PRKG1: variants seen among roughly 807,000 people sequenced by gnomAD.
PRKG1 encodes the protein cGMP-dependent protein kinase 1.
A neutral mutation model predicts 88.1 loss-of-function variants in PRKG1; 35 were observed. The observed-to-expected ratio is 0.40, with a 90% CI of 0.30 to 0.53. The LOEUF (loss-of-function observed/expected upper bound fraction) is 0.53, where lower values mean the gene tolerates loss of function less well. Ranked by LOEUF, PRKG1 falls within the 20% of genes least tolerant of loss-of-function variation. The pLI is 0.59. For missense variants in PRKG1, 540 were observed against 839.8 expected, an observed-to-expected ratio of 0.64 and a Z score of 4.41; for synonymous variants, 303 against 292.5, an observed-to-expected ratio of 1.04 and a Z score of -0.37.
intron 3 of PRKG1, among the ~76,000 whole-genome samples, chr10:51,659,522 TA>T (rs1196349603): frequency 2.6e-5 from 4 of 152,152 alleles, no homozygotes; most frequent in South Asian, 2.1e-4. Flanking sequence ...ATGTGATGAC[TA>T]AAAGGCTTGA....
At chr10:51,969,429 T>G (rs958125046) in intron 5 of PRKG1, among the ~76,000 whole-genome samples, 17 of 152,172 alleles carry the variant, frequency 1.1e-4, no homozygotes, top group African/African-American at 3.9e-4. Context: ...TCTAAGTCTT[T>G]TCTGAGAATT....
intron 2 of PRKG1, among the ~76,000 whole-genome samples, chr10:51,423,665 A>G (rs1838484556): frequency 6.6e-6 from 1 of 152,204 alleles, no homozygotes; most frequent in African/African-American, 2.4e-5. Flanking sequence ...TTGCCAATTA[A>G]TAATATAAAC....
intron 3 of PRKG1, among the ~76,000 whole-genome samples, chr10:51,632,208 A>T (rs1268316442): frequency 6.6e-6 from 1 of 152,112 alleles, no homozygotes; most frequent in Non-Finnish European, 1.5e-5. Context: ...GAAGCCAAAG[A>T]TTGGATACCC....
intron 1 of PRKG1, among the ~76,000 whole-genome samples, chr10:51,082,708 A>G (rs1844144367): frequency 6.7e-6 from 1 of 148,792 alleles, no homozygotes; most frequent in South Asian, 2.1e-4. Context: ...GGGGCCTGCG[A>G]AAGCATAGCT....
chr10:51,104,187 C>T (rs1844759280), intron 1 of PRKG1, among the ~76,000 whole-genome samples: 1 of 151,938 alleles, frequency 6.6e-6, no homozygotes, highest in Non-Finnish European at 1.5e-5. Flanking sequence ...CAAACAGTAG[C>T]AATATAAATA....
chr10:51,982,453 T>G (rs748849061), intron 5 of PRKG1, among the ~76,000 whole-genome samples: 21 of 152,230 alleles, frequency 1.4e-4, no homozygotes, highest in Non-Finnish European at 2.9e-4. Flanking sequence ...TGATGTTTCT[T>G]CATGCTTTGA....
At chr10:51,945,864 C>T (rs1247074032) in intron 5 of PRKG1, among the ~76,000 whole-genome samples, 1 of 151,648 alleles carries the variant, frequency 6.6e-6, no homozygotes. Context: ...GGTAACCCGA[C>T]CTTTCTCTCT....
chr10:51,700,426 TTTAC>T (rs1284310731), intron 3 of PRKG1, among the ~76,000 whole-genome samples: 2 of 152,184 alleles, frequency 1.3e-5, no homozygotes, highest in African/African-American at 2.4e-5. Flanking sequence ...AATAAAGAAA[TTTAC>T]TTAACTATCC....
Position 51,727,021 on chromosome 10 carries a change from C to T in PRKG1, c.593-77564C>T, listed in dbSNP as rs556389794. Among the ~76,000 whole-genome samples, 9 of 152,122 alleles carry T rather than the reference C, an allele frequency of 5.9e-5. No individual in the cohort carries two copies. In the South Asian group the frequency reaches 1.5e-3, roughly 25 times the overall value. On this transcript the variant is annotated intron_variant, in intron 3 of 17. Transcript: ENST00000373980. ...GTCTCGATTTCCTGACCTCATGATC[C>T]GCCTGCCTCGGCCTCCCAAAGTGCT... is the stretch of plus-strand genomic sequence containing the variant.
chr10:52,002,754 C>A (rs1261954912), intron 5 of PRKG1, among the ~76,000 whole-genome samples: 1 of 152,118 alleles, frequency 6.6e-6, no homozygotes, highest in Non-Finnish European at 1.5e-5. Context: ...CTATGCTGTT[C>A]ATGTAAATAC....
At chr10:51,970,001 TACACACACACACACACACACACACAC>T (rs35117709) in intron 5 of PRKG1, among the ~76,000 whole-genome samples, 6 of 144,486 alleles carry the variant, frequency 4.2e-5, no homozygotes, top group South Asian at 2.2e-4. Context: ...ATTCTCTTCA[TACACACACACACACACACACACACAC>T]ACACACACAC....
At position 52,062,565 on chromosome 10, in the gene PRKG1, G is replaced by C. The variant is rs756427024; in HGVS notation, c.869G>C (p.Ser290Thr). The C allele has an allele frequency of 4.4e-6, 7 of 1,606,488 alleles. No homozygotes were observed. In the Admixed American group the frequency reaches 1.0e-4, roughly 24 times the overall value. Reference sequence around the variant, plus strand: ...AATGTCACTCGTGAAGACTCACCGAGTGAAGACCCAGTCTTTCTTAGAACT... The same window carrying C: ...AATGTCACTCGTGAAGACTCACCGACTGAAGACCCAGTCTTTCTTAGAACT... ...TVNVTREDSP[S>T]EDPVFLRTLG... is the part of the protein sequence containing the mutation. The change falls in exon 7 of 18, where the codon AGT becomes ACT. Residue 290 changes from serine to threonine, a missense_variant. Coordinates refer to ENST00000373980, the MANE Select transcript of PRKG1 (RefSeq NM_006258.4).
chr10:51,439,890 G>C (rs914296007), intron 2 of PRKG1, among the ~76,000 whole-genome samples: 1 of 151,882 alleles, frequency 6.6e-6, no homozygotes, highest in African/African-American at 2.4e-5. Context: ...TTTAACACAA[G>C]AGCTTTTGTT....
intron 3 of PRKG1, among the ~76,000 whole-genome samples, chr10:51,583,721 G>A (rs1388237509): frequency 6.6e-6 from 1 of 152,008 alleles, no homozygotes; most frequent in East Asian, 1.9e-4. Flanking sequence ...GCTAACTGAG[G>A]CAGAAAATCC....
At chr10:51,672,029 T>C (rs1840594083) in intron 3 of PRKG1, among the ~76,000 whole-genome samples, 1 of 148,594 alleles carries the variant, frequency 6.7e-6, no homozygotes, top group African/African-American at 2.5e-5. Flanking sequence ...TGTTGTGCCT[T>C]TTTGTAAACT....
intron 3 of PRKG1, among the ~76,000 whole-genome samples, chr10:51,584,770 G>C (rs1316522911): frequency 6.6e-6 from 1 of 152,086 alleles, no homozygotes; most frequent in African/African-American, 2.4e-5. Flanking sequence ...GAGGCTCAGA[G>C]AAGGGAAAGA....
intron 3 of PRKG1, among the ~76,000 whole-genome samples, chr10:51,681,570 T>C (rs1169654867): frequency 2.0e-5 from 3 of 152,202 alleles, no homozygotes; most frequent in African/African-American, 7.2e-5. Context: ...TCTCTAACAT[T>C]GGATTTTGAT....
At chr10:51,886,795 A>G (rs1841581059) in intron 4 of PRKG1, among the ~76,000 whole-genome samples, 1 of 152,174 alleles carries the variant, frequency 6.6e-6, no homozygotes, top group Non-Finnish European at 1.5e-5. Flanking sequence ...AATTGGTTCT[A>G]GGACCCTCCA....
intron 3 of PRKG1, among the ~76,000 whole-genome samples, chr10:51,659,600 C>T (rs932081587): frequency 5.9e-5 from 9 of 152,050 alleles, no homozygotes; most frequent in South Asian, 2.1e-4. Context: ...TAGCTATCTC[C>T]GTGCACAGTA....
Sources: allele counts gnomAD v4.1 joint callset (sites outside exome capture counted in the v4.1 genomes callset), GRCh38; gene constraint gnomAD v4.1.1; transcripts MANE v1.5; gene names NCBI Gene and HGNC (gene_info 2026-07-23, HGNC 2026-07-21).